The following CNPY3 variants were observed in gnomAD, a reference collection of about 807,000 sequenced individuals.
CNPY3 encodes the protein canopy FGF signaling regulator 3.
In CNPY3, 20 loss-of-function variants were observed where a neutral mutation model predicts 32.0. That is an observed-to-expected ratio of 0.63 (90% CI 0.44 to 0.91). The LOEUF is 0.91. Ranked by LOEUF, CNPY3 falls within the 40% of genes least tolerant of loss-of-function variation. The probability of loss-of-function intolerance (pLI) is 0.00; values close to 1 mark genes in which losing one functional copy is unlikely to be tolerated. For synonymous variants in CNPY3, 138 were observed against 142.9 expected (o/e 0.97, Z 0.24); for missense variants, 299 against 340.8 (o/e 0.88, Z 0.97).
chr6:42,934,710 C>T (rs1416776880), intron 2 of CNPY3, 112 bp downstream of exon 2: 2 of 1,452,900 alleles, frequency 1.4e-6, no homozygotes, highest in Non-Finnish European at 1.9e-6. Flanking sequence ...TCATTTGTAA[C>T]CAAGACCTGA....
At chr6:42,937,598 A>C in intron 3 of CNPY3, 119 bp from the exon 4 acceptor site, 12 of 998,734 alleles carry the variant, frequency 1.2e-5, no homozygotes, top group Non-Finnish European at 1.5e-5. Context: ...AAAAAGGATG[A>C]GGATCCTTAG....
Position 42,938,648 on chromosome 6 carries a change from A to G in CNPY3, c.694A>G (p.Arg232Gly). Reference sequence around the variant, plus strand: ...GAAGAAGTCCAAGAAGAAGAGCAGCAGGGCCAAGGCAGCAGGCGGCAGGAG... The same window carrying G: ...GAAGAAGTCCAAGAAGAAGAGCAGCGGGGCCAAGGCAGCAGGCGGCAGGAG... ...GGKKSKKKSS[R>G]AKAAGGRSSS... is the part of the protein sequence containing the mutation. The change falls in exon 6 of 6, where the codon AGG (arginine) becomes GGG (glycine). Residue 232 changes from arginine (R) to glycine (G), a missense_variant. Physicochemically the swap from Arg to Gly is moderately radical, Grantham distance 125. Around this residue, in one of 2 missense-constraint regions of CNPY3, gnomAD observed 211 missense variants for 278.3 expected, o/e 0.76. Transcript: ENST00000372836. The G allele has an allele frequency of 1.9e-6, 3 of 1,612,600 alleles. No individual in the cohort carries two copies. Among genetic ancestry groups the G allele is most frequent in the Non-Finnish European group, 2.5e-6 (3 of 1,179,308 alleles).
chr6:42,934,137 A>G (rs2114166483), intron 1 of CNPY3, among the ~76,000 whole-genome samples: 1 of 152,078 alleles, frequency 6.6e-6, no homozygotes, highest in Admixed American at 6.6e-5. Flanking sequence ...GGGCAACAAG[A>G]GCGAAACTCC....
chr6:42,938,258 T>G (rs1768372693), intron 5 of CNPY3, 51 bp downstream of exon 5: 1 of 1,388,858 alleles, frequency 7.2e-7, no homozygotes, highest in South Asian at 1.2e-5. Context: ...TTGTTTGCTC[T>G]CCCTTGGGGG....
chr6:42,929,500 G>C lies in CNPY3; in HGVS notation c.-71G>C, dbSNP rs766533951. On this transcript the variant is annotated 5_prime_UTR_variant, in exon 1 of 6. Coordinates refer to ENST00000372836, the MANE Select transcript of CNPY3 (RefSeq NM_006586.5). ...CGTGTGCAGTCCCGGAAGCGGCGAG[G>C]GGAAACTGCTCCGCGCGCGCCGCGG... 1.4e-6 allele frequency: 2 copies of C among 1,463,480 alleles called. No individual in the cohort carries two copies. The highest frequency in any genetic ancestry group is 1.8e-6 in the Non-Finnish European group (2 of 1,097,492). 90.7% of individuals were successfully genotyped at this position (1,463,480 alleles called of 1,614,324 possible).
chr6:42,930,715 C>T (rs1206612962), intron 1 of CNPY3, among the ~76,000 whole-genome samples: 6 of 152,182 alleles, frequency 3.9e-5, no homozygotes, highest in Admixed American at 3.9e-4. Context: ...GAATTGAAAG[C>T]CTACATCAGG....
upstream of CNPY3, among the ~76,000 whole-genome samples, chr6:42,928,633 G>A (rs773194832): frequency 5.9e-5 from 9 of 152,140 alleles, no homozygotes; most frequent in Non-Finnish European, 8.8e-5. Flanking sequence ...CTTGTGCCAG[G>A]CACCCTGTTG....
At chr6:42,932,715 G>A (rs1468489452) in intron 1 of CNPY3, among the ~76,000 whole-genome samples, 1 of 152,180 alleles carries the variant, frequency 6.6e-6, no homozygotes, top group Non-Finnish European at 1.5e-5. Context: ...AGCTGGGGAG[G>A]TGAGACATCC....
chr6:42,934,171 C>T (rs1283775295), intron 1 of CNPY3, among the ~76,000 whole-genome samples: 1 of 151,614 alleles, frequency 6.6e-6, no homozygotes, highest in Non-Finnish European at 1.5e-5. Context: ...AAAAGGAATA[C>T]GAAGAACAAT....
upstream of CNPY3, chr6:42,929,373 T>C (rs1046346843): frequency 1.2e-5 from 7 of 607,372 alleles, no homozygotes; most frequent in Admixed American, 1.5e-4. Flanking sequence ...GAAAGCCTAT[T>C]GGCTGCGCCG....
chr6:42,938,688 A>G lies in CNPY3; in HGVS notation c.734A>G (p.Gln245Arg). Residue 245 changes from glutamine to arginine, a missense_variant, in exon 6 of 6, where the codon CAA becomes CGA. This residue lies in a region of CNPY3 where 211 missense variants were observed against 278.3 expected (regional missense o/e 0.76). Coordinates refer to ENST00000372836, the MANE Select transcript of CNPY3 (RefSeq NM_006586.5). ...GGCGGCAGGAGTAGCAGCAGCAAAC[A>G]AAGGAAGGAGCTGGGTGGCCTTGAG... The part of the protein sequence containing the change: ...AAGGRSSSSK[Q>R]RKELGGLEGD... 2.5e-6 allele frequency: 4 copies of G among 1,613,826 alleles called. No homozygotes were observed. Among genetic ancestry groups the G allele is most frequent in the Non-Finnish European group, 2.5e-6 (3 of 1,179,900 alleles).
At chr6:42,930,520 A>T (rs1767712908) in intron 1 of CNPY3, among the ~76,000 whole-genome samples, 1 of 152,190 alleles carries the variant, frequency 6.6e-6, no homozygotes, top group Non-Finnish European at 1.5e-5. Flanking sequence ...TCCCAAAGAC[A>T]TAGGCGTTGA....
At chr6:42,928,004 T>C (rs1008111529), upstream of CNPY3, among the ~76,000 whole-genome samples, 1 of 151,570 alleles carries the variant, frequency 6.6e-6, no homozygotes, top group African/African-American at 2.4e-5. Context: ...TTTATTATTT[T>C]TGAGATGGAG....
chr6:42,938,534 C>CT (rs764184789), intron 5 of CNPY3, 34 bp from the exon 6 acceptor site: 1 of 1,547,492 alleles, frequency 6.5e-7, no homozygotes, highest in South Asian at 1.2e-5. Flanking sequence ...CCCTGAGGCA[C>CT]TTCTGTTGAG....
In CNPY3 at chr6:42,937,728, G is replaced by C. The variant is rs202056325; in HGVS notation, c.384G>C (p.Glu128Asp). The change falls in exon 4 of 6, where the codon GAG becomes GAC. Residue 128 changes from glutamate (E) to aspartate (D), a missense_variant. Glu to Asp is a conservative substitution (Grantham distance 45). Transcript: ENST00000372836. ...GSNRFAKGMS[E>D]TFETLHNLVH... ...GTCGCTTCTTCCAGGGCATGTCAGA[G>C]ACCTTTGAGACATTACACAACCTGG... 4 of 1,614,072 alleles carry C rather than the reference G, an allele frequency of 2.5e-6. No individual in the cohort carries two copies. In the East Asian group the frequency reaches 8.9e-5, roughly 36 times the overall value.
At chr6:42,934,649 C>A (rs1165859737) in intron 2 of CNPY3, 51 bp downstream of exon 2, 5 of 1,609,084 alleles carry the variant, frequency 3.1e-6, no homozygotes, top group Non-Finnish European at 3.4e-6. Context: ...CTGGAGGCTT[C>A]AGGGGTTTGG....
In CNPY3 at chr6:42,929,513, G is replaced by T. The variant is rs1767592585; in HGVS notation, c.-58G>T. The T allele has an allele frequency of 6.7e-7, 1 of 1,489,520 alleles. No homozygotes were observed. Among genetic ancestry groups the T allele is most frequent in the East Asian group, 2.4e-5 (1 of 42,152 alleles). 92.3% of individuals were successfully genotyped at this position (1,489,520 alleles called of 1,614,324 possible). A position where few individuals can be genotyped will look rare whatever the true frequency, so the allele number is the denominator to read the frequency against. On this transcript the variant is annotated 5_prime_UTR_variant, in exon 1 of 6. Coordinates refer to ENST00000372836, the MANE Select transcript of CNPY3 (RefSeq NM_006586.5). ...GGAAGCGGCGAGGGGAAACTGCTCC[G>T]CGCGCGCCGCGGGAGGAGGAACCGC...
Position 42,934,564 on chromosome 6 carries a change from G to C in CNPY3, c.241G>C (p.Asp81His). The C allele has an allele frequency of 6.2e-7, 1 of 1,614,096 alleles. No homozygotes were observed. Among genetic ancestry groups the C allele is most frequent in the South Asian group, 1.1e-5 (1 of 91,058 alleles). The change falls in exon 2 of 6, where the codon GAC becomes CAC. Residue 81 changes from aspartate to histidine, a missense_variant. This residue lies in a region of CNPY3 where 211 missense variants were observed against 278.3 expected (regional missense o/e 0.76). Coordinates refer to ENST00000372836, the MANE Select transcript of CNPY3 (RefSeq NM_006586.5). ...EVIGTGYGIL[D>H]QKASGVKYTK... is the part of the protein sequence containing the mutation. ...GATTGGCACGGGCTATGGCATCCTG[G>C]ACCAGAAGGCCTCTGGAGTCAAATA...
intron 4 of CNPY3, 52 bp from the exon 5 acceptor site, chr6:42,938,038 G>T (rs1237501491): frequency 1.7e-5 from 27 of 1,549,438 alleles, no homozygotes; most frequent in Non-Finnish European, 2.2e-5. Context: ...AGCTCCTCTA[G>T]GAGCGAGTCA....
Sources: allele counts gnomAD v4.1 joint callset (sites outside exome capture counted in the v4.1 genomes callset), GRCh38; gene constraint gnomAD v4.1.1; regional missense constraint gnomAD v4.1.1; transcripts MANE v1.5; gene names NCBI Gene and HGNC (gene_info 2026-07-23, HGNC 2026-07-21).